The following SEMA3A variants were observed in gnomAD, a reference collection of about 807,000 sequenced individuals.
SEMA3A encodes semaphorin 3A, also known as semaphorin-3A.
A neutral mutation model predicts 97.9 loss-of-function variants in SEMA3A; 29 were observed. The observed-to-expected ratio is 0.30, with a 90% confidence interval of 0.22 to 0.40. The LOEUF (loss-of-function observed/expected upper bound fraction) is 0.40, where lower values mean the gene tolerates loss of function less well. SEMA3A is among the 10% of genes least tolerant of loss of function. SEMA3A has a pLI of 1.00. For synonymous variants in SEMA3A, 321 were observed against 323.7 expected (o/e 0.99, Z 0.09); for missense variants, 763 against 951.3 (o/e 0.80, Z 2.60).
chr7:83,984,506 T>C (rs151273336), intron 13 of SEMA3A, among the ~76,000 whole-genome samples: 1 of 152,106 alleles, frequency 6.6e-6, no homozygotes, highest in East Asian at 1.9e-4. Context: ...ATGTAAACAG[T>C]TCAGAAATAA....
At chr7:84,056,967 G>C (rs1793008976) in intron 5 of SEMA3A, among the ~76,000 whole-genome samples, 1 of 152,144 alleles carries the variant, frequency 6.6e-6, no homozygotes, top group South Asian at 2.1e-4. Flanking sequence ...CAACACACTA[G>C]TGAAAGTAAT....
chr7:84,189,970 A>C (rs761363486), intron 1 of SEMA3A, among the ~76,000 whole-genome samples: 2 of 151,736 alleles, frequency 1.3e-5, no homozygotes, highest in Non-Finnish European at 3.0e-5. Flanking sequence ...GTAGAACTCT[A>C]GAAATCAGTC....
chr7:84,296,768 A>C (rs1800882962), intron 3 of SEMA3A, among the ~76,000 whole-genome samples: 1 of 152,102 alleles, frequency 6.6e-6, no homozygotes, highest in African/African-American at 2.4e-5. Context: ...GTGAGTAGCA[A>C]ATTCTACAAG....
At chr7:84,184,682 T>G (rs1797825449) in intron 1 of SEMA3A, among the ~76,000 whole-genome samples, 1 of 151,966 alleles carries the variant, frequency 6.6e-6, no homozygotes, top group Admixed American at 6.6e-5. Flanking sequence ...ATTGGGGGAA[T>G]CTGTGTGCTG....
intron 3 of SEMA3A, among the ~76,000 whole-genome samples, chr7:84,263,796 T>C (rs1799919817): frequency 6.6e-6 from 1 of 152,170 alleles, no homozygotes; most frequent in Non-Finnish European, 1.5e-5. Flanking sequence ...ACATGTTAGG[T>C]ATACATGATA....
chr7:84,444,520 A>G (rs2116348192), intron 1 of SEMA3A, among the ~76,000 whole-genome samples: 1 of 152,020 alleles, frequency 6.6e-6, no homozygotes, highest in South Asian at 2.1e-4. Context: ...TTCATCTTCA[A>G]CATAGTCTTG....
Position 84,439,045 on chromosome 7 carries a change from C to A in SEMA3A, c.-246+53415G>T, listed in dbSNP as rs183644200. Among the ~76,000 whole-genome samples the A allele has an allele frequency of 6.0e-5, 9 of 150,076 alleles. No homozygotes were observed. The East Asian group carries it at 1.6e-3, about 26-fold the overall frequency. ...CCTGAGCAGGTTGATACAGCAGTAG[C>A]AAAATTAAAAGAGTATCAACTTCTA... On this transcript the variant is annotated intron_variant, in intron 1 of 3. Transcript: ENST00000424555.
chr7:84,347,984 T>C (rs528781297), intron 2 of SEMA3A, among the ~76,000 whole-genome samples: 1 of 152,256 alleles, frequency 6.6e-6, no homozygotes, highest in African/African-American at 2.4e-5. Flanking sequence ...AATTGGTAAA[T>C]TTTATTGTAT....
In SEMA3A at chr7:84,149,928, T is replaced by C. The variant is rs201040384; in HGVS notation, c.113-14977A>G. 3.3e-5 allele frequency among the ~76,000 whole-genome samples: 5 copies of C among 152,150 alleles called. No homozygotes were observed. In the East Asian group the frequency reaches 9.7e-4, roughly 29 times the overall value. On this transcript the variant is annotated intron_variant, in intron 1 of 16. Transcript: ENST00000265362. ...TTAATAAACCTTCGTGGCAGTTCAA[T>C]GTGAGCAACCAGAAGAGTCATGTAA...
intron 1 of SEMA3A, among the ~76,000 whole-genome samples, chr7:84,177,024 C>T (rs998883192): frequency 1.3e-5 from 2 of 152,044 alleles, no homozygotes; most frequent in Non-Finnish European, 2.9e-5. Context: ...TTATTAGGAA[C>T]ACCTAGGGAA....
At chr7:84,387,425 G>C (rs1010863773) in intron 1 of SEMA3A, among the ~76,000 whole-genome samples, 2 of 152,106 alleles carry the variant, frequency 1.3e-5, no homozygotes, top group African/African-American at 2.4e-5. Flanking sequence ...TTAAATTAGC[G>C]GAAAAGGGAT....
intron 1 of SEMA3A, among the ~76,000 whole-genome samples, chr7:84,167,876 G>C (rs1797261171): frequency 6.6e-6 from 1 of 152,110 alleles, no homozygotes; most frequent in Admixed American, 6.5e-5. Context: ...ATTTTGTAAA[G>C]GATTCATGAT....
At chr7:84,287,557 A>C (rs531165364) in intron 3 of SEMA3A, among the ~76,000 whole-genome samples, 1 of 152,254 alleles carries the variant, frequency 6.6e-6, no homozygotes, top group African/African-American at 2.4e-5. Context: ...CACTTTACTA[A>C]ATTTCCATAT....
At chr7:84,254,482 T>C (rs1799672472) in intron 3 of SEMA3A, among the ~76,000 whole-genome samples, 1 of 152,152 alleles carries the variant, frequency 6.6e-6, no homozygotes, top group Non-Finnish European at 1.5e-5. Context: ...TATACGTGTT[T>C]GTACCCGAGT....
At chr7:84,402,139 T>C (rs932203356) in intron 1 of SEMA3A, among the ~76,000 whole-genome samples, 3 of 152,028 alleles carry the variant, frequency 2.0e-5, no homozygotes, top group Admixed American at 1.3e-4. Flanking sequence ...AGTCAAACCA[T>C]TGGGTAGCAA....
chr7:84,165,129 G>C (rs1295110925), intron 1 of SEMA3A, among the ~76,000 whole-genome samples: 1 of 152,094 alleles, frequency 6.6e-6, no homozygotes, highest in African/African-American at 2.4e-5. Flanking sequence ...AACAGCTTGA[G>C]CCTGGGAGTT....
At chr7:84,452,117 A>C (rs1805571442) in intron 1 of SEMA3A, among the ~76,000 whole-genome samples, 1 of 152,180 alleles carries the variant, frequency 6.6e-6, no homozygotes, top group Admixed American at 6.5e-5. Context: ...CACACCTGAC[A>C]ACAGCCAGAA....
chr7:84,136,702 T>C (rs1796134438), intron 1 of SEMA3A, among the ~76,000 whole-genome samples: 1 of 152,170 alleles, frequency 6.6e-6, no homozygotes, highest in African/African-American at 2.4e-5. Flanking sequence ...ATATAATTAA[T>C]AGCTCATCAT....
chr7:84,279,461 A>AT (rs948072945), intron 3 of SEMA3A, among the ~76,000 whole-genome samples: 1 of 151,596 alleles, frequency 6.6e-6, no homozygotes, highest in African/African-American at 2.4e-5. Context: ...CTTAAAAAAA[A>AT]TGTCAAGATT....
Sources: gnomAD v4.1 joint callset for allele counts (sites outside exome capture counted in the v4.1 genomes callset) on GRCh38, gnomAD v4.1.1 for gene constraint, MANE v1.5 for transcripts, NCBI Gene and HGNC (gene_info 2026-07-23, HGNC 2026-07-21) for gene names.